The following THOC2 variants were observed in gnomAD, a reference collection of about 807,000 sequenced individuals.
THOC2 encodes THO complex subunit 2.
THOC2 carries 10 observed loss-of-function variants against 128.4 expected under a neutral mutation model. That is an observed-to-expected ratio of 0.08 (90% confidence interval 0.05 to 0.13). The LOEUF (loss-of-function observed/expected upper bound fraction) is 0.13, where lower values mean the gene tolerates loss of function less well. THOC2 is among the 10% of genes least tolerant of loss of function. The pLI is 1.00. For synonymous variants in THOC2, 393 were observed against 396.9 expected (o/e 0.99, Z 0.12); for missense variants, 535 against 1,155.7 (o/e 0.46, Z 7.79).
intron 18 of THOC2, among the ~76,000 whole-genome samples, chrX:123,637,692 G>A (rs1376398532): frequency 9.0e-6 from 1 of 110,630 alleles, no homozygotes; most frequent in Non-Finnish European, 1.9e-5. Context: ...CCTGGGAGGC[G>A]GAGGCTGCAG....
chrX:123,657,218 T>C (rs2048631942), intron 12 of THOC2, among the ~76,000 whole-genome samples: 1 of 110,447 alleles, frequency 9.1e-6, no homozygotes, highest in Non-Finnish European at 1.9e-5. Flanking sequence ...GAAAAAAGTC[T>C]GATAAAAGGC....
At chrX:123,604,548 G>A (rs1042201569) in intron 38 of THOC2, among the ~76,000 whole-genome samples, 1 of 111,326 alleles carries the variant, frequency 9.0e-6, no homozygotes, top group Non-Finnish European at 1.9e-5. Context: ...AAGTAAGGTG[G>A]TCTGGAGAAA....
chrX:123,721,573 G>A (rs1484464152), intron 1 of THOC2, among the ~76,000 whole-genome samples: 3 of 107,466 alleles, frequency 2.8e-5, no homozygotes, highest in African/African-American at 1.0e-4. Context: ...ATCACTTGAG[G>A]TCAGGAGTTC....
intron 38 of THOC2, among the ~76,000 whole-genome samples, chrX:123,609,509 C>T (rs751829680): frequency 1.7e-3 from 189 of 111,616 alleles, no homozygotes; most frequent in African/African-American, 5.9e-3. Context: ...TACCCTTATA[C>T]AGAACTGGCT....
At chrX:123,657,960 CGTGTGTGTGTGTGTGTGTGT>C (rs60969537) in intron 12 of THOC2, among the ~76,000 whole-genome samples, 6 of 94,815 alleles carry the variant, frequency 6.3e-5, no homozygotes, top group African/African-American at 1.2e-4. Context: ...TACGCATATG[CGTGTGTGTGTGTGTGTGTGT>C]GTGTGTGTGT....
chrX:123,684,584 C>T (rs1250967046), intron 8 of THOC2, among the ~76,000 whole-genome samples: 6 of 111,524 alleles, frequency 5.4e-5, no homozygotes, highest in Admixed American at 9.5e-5. Context: ...GGCAGGGTTT[C>T]GCCATGTTGG....
At chrX:123,731,987 T>C (rs1271597060) in intron 1 of THOC2, among the ~76,000 whole-genome samples, 1 of 110,169 alleles carries the variant, frequency 9.1e-6, no homozygotes, top group Non-Finnish European at 1.9e-5. Flanking sequence ...GAGAAGGAAA[T>C]GAGATGTTAT....
At chrX:123,642,293 CAG>C (rs2047953349) in intron 15 of THOC2, among the ~76,000 whole-genome samples, 1 of 109,980 alleles carries the variant, frequency 9.1e-6, no homozygotes, top group South Asian at 3.9e-4. Context: ...GACTTGGTGG[CAG>C]GCGCCTGTAA....
intron 1 of THOC2, among the ~76,000 whole-genome samples, chrX:123,721,434 A>G (rs2051691374): frequency 9.3e-6 from 1 of 107,935 alleles, no homozygotes; most frequent in Non-Finnish European, 1.9e-5. Context: ...CGGCCTCCCA[A>G]ACTGCTGGAA....
intron 36 of THOC2, among the ~76,000 whole-genome samples, chrX:123,612,987 G>A (rs961275638): frequency 4.5e-5 from 5 of 111,645 alleles, no homozygotes; most frequent in South Asian, 3.7e-4. Context: ...AGGAGAAAAC[G>A]TTACAAAAAT....
At chrX:123,724,881 C>T (rs1240613939) in intron 1 of THOC2, among the ~76,000 whole-genome samples, 1 of 110,759 alleles carries the variant, frequency 9.0e-6, no homozygotes, top group East Asian at 2.8e-4. Flanking sequence ...AGTTCAAGAC[C>T]AGCCTCGTAA....
At chrX:123,719,038 T>C (rs1237284348) in intron 1 of THOC2, among the ~76,000 whole-genome samples, 1 of 106,398 alleles carries the variant, frequency 9.4e-6, no homozygotes, top group Non-Finnish European at 1.9e-5. Context: ...ATTAGTCGGG[T>C]GTGGTGGCGG....
chrX:123,645,496 C>A, intron 12 of THOC2, 121 bp from the exon 13 acceptor site: 1 of 398,572 alleles, frequency 2.5e-6, no homozygotes, highest in Non-Finnish European at 4.1e-6. Flanking sequence ...TTACTTTTTA[C>A]AAATATGTAG....
chrX:123,675,628 G>C (rs2049457285), intron 8 of THOC2, among the ~76,000 whole-genome samples: 1 of 108,497 alleles, frequency 9.2e-6, no homozygotes, highest in Non-Finnish European at 1.9e-5. Context: ...GGGTGACAGA[G>C]GGAGACTCTG....
rs781293589 is a variant in THOC2 at position 123,637,765 on chromosome X, A to T, written c.1921+278T>A. 2.7e-5 allele frequency among the ~76,000 whole-genome samples: 3 copies of T among 111,458 alleles called. No homozygotes were observed. The South Asian group carries it at 1.1e-3, about 43-fold the overall frequency. ...ACAGAGTGAGACTCCATCTCGAAAA[A>T]AAAATAAAATAAAAAGAAGGAGATT... On this transcript the variant is annotated intron_variant, in intron 18 of 38. Coordinates refer to ENST00000245838, the MANE Select transcript of THOC2 (RefSeq NM_001081550.2).
At chrX:123,717,468 A>G (rs1342099346) in intron 1 of THOC2, among the ~76,000 whole-genome samples, 1 of 111,453 alleles carries the variant, frequency 9.0e-6, no homozygotes, top group Non-Finnish European at 1.9e-5. Flanking sequence ...AATAAATTTA[A>G]CCAAGGAGGT....
intron 33 of THOC2, 147 bp downstream of exon 33, chrX:123,619,254 T>C (rs1196043035): frequency 8.9e-6 from 3 of 337,049 alleles, no homozygotes; most frequent in Non-Finnish European, 1.6e-5. Context: ...TAACATTTAA[T>C]ATTTTTGAAG....
chrX:123,725,411 G>A (rs1479903157), intron 1 of THOC2, among the ~76,000 whole-genome samples: 3 of 94,308 alleles, frequency 3.2e-5, no homozygotes, highest in African/African-American at 1.2e-4. Flanking sequence ...TAGCCAACAA[G>A]TGAGACCCCA....
chrX:123,612,662 G>A (rs1278893635), intron 36 of THOC2, among the ~76,000 whole-genome samples: 1 of 111,327 alleles, frequency 9.0e-6, no homozygotes, highest in Non-Finnish European at 1.9e-5. Context: ...CCTGTAAAAT[G>A]ATTAATTTTA....
Sources: allele counts gnomAD v4.1 joint callset (sites outside exome capture counted in the v4.1 genomes callset), GRCh38; gene constraint gnomAD v4.1.1; transcripts MANE v1.5; gene names NCBI Gene and HGNC (gene_info 2026-07-23, HGNC 2026-07-21).